The following MEDAG variants were observed in gnomAD, a reference collection of about 807,000 sequenced individuals.
The protein encoded by MEDAG is mesenteric estrogen dependent adipogenesis.
A neutral mutation model predicts 29.9 loss-of-function variants in MEDAG; 25 were observed. The ratio of observed to expected loss-of-function variants is 0.84; its 90% confidence interval spans 0.61 to 1.17. The LOEUF (loss-of-function observed/expected upper bound fraction) is 1.17, where lower values mean the gene tolerates loss of function less well. Among genes scored for constraint, MEDAG ranks in the 50% most tolerant of loss-of-function variants. The pLI is 0.00. For synonymous variants in MEDAG, 158 were observed against 148.2 expected (o/e 1.07, Z -0.48); for missense variants, 398 against 372.9 (o/e 1.07, Z -0.56).
At chr13:30,916,885 G>T (rs1426504497) in intron 1 of MEDAG, 1 of 154,256 alleles carries the variant, frequency 6.5e-6, no homozygotes, top group Non-Finnish European at 1.4e-5. Flanking sequence ...GCGTAGGAGA[G>T]ATGTGAACTA....
chr13:30,906,434 C>T lies in MEDAG; in HGVS notation c.-82C>T, dbSNP rs1157361213. On this transcript the variant is annotated 5_prime_UTR_variant, in exon 1 of 5. Coordinates refer to ENST00000380482, the MANE Select transcript of MEDAG (RefSeq NM_032849.4). ...GGCTGACGCAGGCAGGGCGCCCGGCCCCTCCTGGGGACCATCAGGTGCCGG... is the reference window on the plus strand; with the variant it reads ...GGCTGACGCAGGCAGGGCGCCCGGCTCCTCCTGGGGACCATCAGGTGCCGG... 8 of 1,337,824 alleles carry T rather than the reference C, an allele frequency of 6.0e-6. No homozygotes were observed. The highest frequency in any genetic ancestry group is 2.8e-5 in the East Asian group (1 of 35,306). The allele number at this position is 1,337,824 out of a possible 1,614,324, so 82.9% of individuals were successfully genotyped here. A position where few individuals can be genotyped will look rare whatever the true frequency, so the allele number is the denominator to read the frequency against.
Position 30,924,350 on chromosome 13 carries a change from G to C in MEDAG, c.827G>C (p.Arg276Thr), listed in dbSNP as rs1469991374. 4 of 1,614,000 alleles carry C rather than the reference G, an allele frequency of 2.5e-6. No individual in the cohort carries two copies. The highest frequency in any genetic ancestry group is 3.4e-6 in the Non-Finnish European group (4 of 1,179,930). ...GTTTTTAACTGCAATCTGTCACCCA[G>C]ATCATCTCTGACAGAGCCTCTTTTG... ...DDVFNCNLSP[R>T]SSLTEPLLAE... Residue 276 changes from arginine to threonine, a missense_variant, in exon 5 of 5, where the codon AGA becomes ACA. Physicochemically the swap from Arg to Thr is moderately conservative, Grantham distance 71. Coordinates refer to ENST00000380482, the MANE Select transcript of MEDAG (RefSeq NM_032849.4).
chr13:30,906,459 G>A lies in MEDAG; in HGVS notation c.-57G>A. On this transcript the variant is annotated 5_prime_UTR_variant, in exon 1 of 5. Coordinates refer to ENST00000380482, the MANE Select transcript of MEDAG (RefSeq NM_032849.4). ...CCCTCCTGGGGACCATCAGGTGCCG[G>A]CTGGGGGCTGTAGGCACCGGACGGA... is the stretch of plus-strand genomic sequence containing the variant. The A allele has an allele frequency of 8.5e-6, 12 of 1,404,016 alleles. No individual in the cohort carries two copies. Among genetic ancestry groups the A allele is most frequent in the East Asian group, 5.5e-5 (2 of 36,132 alleles). The allele number at this position is 1,404,016 out of a possible 1,614,324, so 87.0% of individuals were successfully genotyped here.
At chr13:30,915,165 C>G (rs985203985) in intron 1 of MEDAG, among the ~76,000 whole-genome samples, 1 of 152,088 alleles carries the variant, frequency 6.6e-6, no homozygotes. Flanking sequence ...TGTATCCTCA[C>G]CCCCCACGTA....
In MEDAG at chr13:30,917,387, C is replaced by G. The variant is rs745724368; in HGVS notation, c.279-16C>G. 7.9e-6 allele frequency: 11 copies of G among 1,397,364 alleles called. No homozygotes were observed. In the South Asian group the frequency reaches 9.2e-5, roughly 12 times the overall value. 86.6% of individuals were successfully genotyped at this position (1,397,364 alleles called of 1,614,324 possible). ...AAGGGTACGTTACATTTGCAATGATCTCTGCTTCTTCATAGGTATGTGGAA... is the reference window on the plus strand; with the variant it reads ...AAGGGTACGTTACATTTGCAATGATGTCTGCTTCTTCATAGGTATGTGGAA... On this transcript the variant is annotated splice_polypyrimidine_tract_variant and intron_variant, in intron 1 of 4. Transcript: ENST00000380482.
At position 30,906,790 on chromosome 13, in the gene MEDAG, AG is replaced by A; in HGVS notation, c.276del (p.Arg93GlyfsTer5). The A allele has an allele frequency of 2.7e-6, 4 of 1,486,372 alleles. No homozygotes were observed. Among genetic ancestry groups the A allele is most frequent in the Non-Finnish European group, 3.5e-6 (4 of 1,128,890 alleles). The allele number at this position is 1,486,372 out of a possible 1,614,324, so 92.1% of individuals were successfully genotyped here. On this transcript the variant is annotated frameshift_variant and splice_region_variant, in exon 1 of 5. Transcript: ENST00000380482. LOFTEE classifies it high-confidence loss of function. Reference protein sequence around the residue: ...GQLYRLSSYIKRYVELTNYCD... With the variant: ...GQLYRLSSYIXRYVELTNYCD... Reference sequence around the variant, plus strand: ...CTCTACCGCCTCAGCAGCTACATCAAGAGGTGGGTGGCCTCGCCGTGCGCCC... The same window carrying A: ...CTCTACCGCCTCAGCAGCTACATCAAAGGTGGGTGGCCTCGCCGTGCGCCC...
At position 30,906,491 on chromosome 13, in the gene MEDAG, C is replaced by A. The variant is rs920495404; in HGVS notation, c.-25C>A. On this transcript the variant is annotated 5_prime_UTR_variant, in exon 1 of 5. Coordinates refer to ENST00000380482, the MANE Select transcript of MEDAG (RefSeq NM_032849.4). ...GCTGTAGGCACCGGACGGAAGCAGG[C>A]GGTGTGAGGACCGACGACGCGGGCA... 2 of 1,468,424 alleles carry A rather than the reference C, an allele frequency of 1.4e-6. No homozygotes were observed. The highest frequency in any genetic ancestry group is 2.7e-5 in the East Asian group (1 of 37,460). 91.0% of individuals were successfully genotyped at this position (1,468,424 alleles called of 1,614,324 possible). A position where few individuals can be genotyped will look rare whatever the true frequency, so the allele number is the denominator to read the frequency against.
At position 30,906,389 on chromosome 13, in the gene MEDAG, C is replaced by T; in HGVS notation, c.-127C>T. On this transcript the variant is annotated 5_prime_UTR_variant, in exon 1 of 5. Coordinates refer to ENST00000380482, the MANE Select transcript of MEDAG (RefSeq NM_032849.4). ...GTCCCGGCCAGGCGGGCAGACCGAC[C>T]CCCTCCTCACCTCGCGCGCGGCTGA... is the stretch of plus-strand genomic sequence containing the variant. The T allele has an allele frequency of 9.6e-7, 1 of 1,045,052 alleles. No individual in the cohort carries two copies. The highest frequency in any genetic ancestry group is 1.7e-5 in the African/African-American group (1 of 59,888). 64.7% of individuals were successfully genotyped at this position (1,045,052 alleles called of 1,614,324 possible).
chr13:30,910,098 G>A (rs1397658725), intron 1 of MEDAG, among the ~76,000 whole-genome samples: 1 of 151,926 alleles, frequency 6.6e-6, no homozygotes, highest in Non-Finnish European at 1.5e-5. Flanking sequence ...TAAACACAAT[G>A]TGCTCAGGAC....
intron 1 of MEDAG, among the ~76,000 whole-genome samples, chr13:30,909,930 A>G (rs1159682399): frequency 2.0e-5 from 3 of 152,228 alleles, no homozygotes; most frequent in African/African-American, 7.2e-5. Flanking sequence ...TAAGTAACCT[A>G]AAGAAATCCA....
At chr13:30,907,021 G>A (rs891814250) in intron 1 of MEDAG, among the ~76,000 whole-genome samples, 2 of 152,226 alleles carry the variant, frequency 1.3e-5, no homozygotes, top group African/African-American at 2.4e-5. Context: ...GCTTGAAGCC[G>A]CCCAGAAGGG....
intron 1 of MEDAG, chr13:30,916,893 CTAGTAA>C (rs1040124650): frequency 3.9e-5 from 6 of 155,040 alleles, no homozygotes; most frequent in Admixed American, 3.3e-4. Flanking sequence ...GAGATGTGAA[CTAGTAA>C]TAGTTCATAT....
chr13:30,906,917 G>A, intron 1 of MEDAG, 124 bp downstream of exon 1: 3 of 1,016,884 alleles, frequency 3.0e-6, no homozygotes, highest in Admixed American at 3.5e-5. Context: ...CCCTTGCTCC[G>A]TGCGCTTCTA....
At chr13:30,913,909 G>A (rs1199963972) in intron 1 of MEDAG, among the ~76,000 whole-genome samples, 1 of 152,118 alleles carries the variant, frequency 6.6e-6, no homozygotes, top group Admixed American at 6.6e-5. Flanking sequence ...GGGCATGGTG[G>A]TGCACGCCTG....
intron 1 of MEDAG, among the ~76,000 whole-genome samples, chr13:30,912,075 G>A (rs866748948): frequency 6.6e-5 from 10 of 152,164 alleles, no homozygotes; most frequent in Middle Eastern, 3.4e-3. Flanking sequence ...CTCAGTAATC[G>A]TTCCTTCCAT....
chr13:30,906,814 C>A, intron 1 of MEDAG, 21 bp downstream of exon 1: 3 of 1,441,066 alleles, frequency 2.1e-6, no homozygotes, highest in Non-Finnish European at 2.7e-6. Context: ...TCGCCGTGCG[C>A]CCTGGCCCGT....
intron 1 of MEDAG, among the ~76,000 whole-genome samples, chr13:30,907,271 C>T (rs577347399): frequency 6.6e-6 from 1 of 152,188 alleles, no homozygotes; most frequent in Non-Finnish European, 1.5e-5. Flanking sequence ...GTGAGGAGAC[C>T]GAGTGGAGAA....
intron 3 of MEDAG, 77 bp downstream of exon 3, chr13:30,921,203 C>T: frequency 8.8e-6 from 11 of 1,249,046 alleles, no homozygotes; most frequent in Non-Finnish European, 1.3e-5. Context: ...GAACTGAGGC[C>T]CTATTGCCCT....
chr13:30,906,855 C>A, intron 1 of MEDAG, 62 bp downstream of exon 1: 2 of 1,398,938 alleles, frequency 1.4e-6, no homozygotes, highest in South Asian at 3.1e-5. Context: ...CTCCACCCGG[C>A]TGCGGTCTCT....
Sources: gnomAD v4.1 joint callset for allele counts (sites outside exome capture counted in the v4.1 genomes callset) on GRCh38, gnomAD v4.1.1 for gene constraint, MANE v1.5 for transcripts, NCBI Gene and HGNC (gene_info 2026-07-23, HGNC 2026-07-21) for gene names.